The following MPG variants were observed in gnomAD, a reference collection of about 807,000 sequenced individuals.
MPG encodes the protein N-methylpurine DNA glycosylase, also known as DNA-3-methyladenine glycosylase.
Under a neutral mutation model 31.7 loss-of-function variants are expected in MPG, and 33 were observed. The ratio of observed to expected loss-of-function variants is 1.04; its 90% CI spans 0.79 to 1.39. MPG has a LOEUF of 1.39. Ranked by LOEUF, MPG falls within the 40% of genes most tolerant of loss-of-function variation. MPG has a pLI of 0.00. For missense variants in MPG, 455 were observed against 415.5 expected, an observed-to-expected ratio of 1.10 and a Z score of -0.83; for synonymous variants, 202 against 169.2, an observed-to-expected ratio of 1.19 and a Z score of -1.51.
At chr16:79,007 C>A (rs1898165961) in intron 1 of MPG, 1 of 1,401,784 alleles carries the variant, frequency 7.1e-7, no homozygotes, top group African/African-American at 1.5e-5. Flanking sequence ...GTTTTGAATT[C>A]TGGCAAGGGT....
In MPG at chr16:80,539, G is replaced by A. The variant is rs149704595; in HGVS notation, c.300+839G>A. Among the ~76,000 whole-genome samples, 109 of 152,280 alleles carry A rather than the reference G, an allele frequency of 7.2e-4. 2 individuals carry two copies. Among genetic ancestry groups the A allele is most frequent in the African/African-American group, 2.6e-3 (106 of 41,556 alleles). On this transcript the variant is annotated intron_variant, in intron 2 of 3. Coordinates refer to ENST00000356432, the MANE Select transcript of MPG (RefSeq NM_001015052.3). ...GTAATGGGCATTTGTGGCCAGGTGT[G>A]GTGGCTCATGCCGGTAATCCCAGCA...
Position 79,456 on chromosome 16 carries a change from G to A in MPG, c.56G>A (p.Arg19Gln), listed in dbSNP as rs542759171. 4.3e-6 allele frequency: 7 copies of A among 1,613,000 alleles called. No homozygotes were observed. Among genetic ancestry groups the A allele is most frequent in the South Asian group, 3.3e-5 (3 of 91,082 alleles). ...CGACGGATGGGGCAAAAGAAGCAGC[G>A]ACCAGCTAGAGCAGGGCAGCCACAC... ...FCRRMGQKKQ[R>Q]PARAGQPHSS... Residue 19 changes from arginine to glutamine, a missense_variant, in exon 2 of 4, where the codon CGA becomes CAA. Coordinates refer to ENST00000356432, the MANE Select transcript of MPG (RefSeq NM_001015052.3).
intron 1 of MPG, chr16:79,089 G>T: frequency 6.9e-7 from 1 of 1,444,440 alleles, no homozygotes. Flanking sequence ...GTGGGAATCG[G>T]AGGGCACCAG....
intron 2 of MPG, among the ~76,000 whole-genome samples, chr16:81,659 C>T (rs1035879851): frequency 1.6e-4 from 22 of 138,468 alleles, no homozygotes; most frequent in Admixed American, 2.7e-4. Flanking sequence ...ACCCTATCTC[C>T]GGGAAGGCCT....
intron 2 of MPG, among the ~76,000 whole-genome samples, chr16:80,582 G>A (rs1409220145): frequency 6.6e-6 from 1 of 152,134 alleles, no homozygotes; most frequent in African/African-American, 2.4e-5. Context: ...AGGCGGAGGT[G>A]GGTGGATCAC....
At chr16:81,489 A>C (rs933185896) in intron 2 of MPG, among the ~76,000 whole-genome samples, 2 of 152,126 alleles carry the variant, frequency 1.3e-5, no homozygotes, top group African/African-American at 4.8e-5. Flanking sequence ...TCTCCCCTGG[A>C]CATGGCCTGG....
Position 79,430 on chromosome 16 carries a change from C to T in MPG, c.30C>T (p.Cys10=), listed in dbSNP as rs1277450339. Residue 10 remains cysteine (C), a synonymous_variant, in exon 2 of 4, where the codon TGC becomes TGT. Transcript: ENST00000356432. ...TATTTTTTTTCCCATTACAGTTTTG[C>T]CGACGGATGGGGCAAAAGAAGCAGC... The part of the protein sequence containing the change: MPARSGAQF[C]RRMGQKKQRP... 6 of 1,613,216 alleles carry T rather than the reference C, an allele frequency of 3.7e-6. No homozygotes were observed. Among genetic ancestry groups the T allele is most frequent in the Non-Finnish European group, 5.1e-6 (6 of 1,180,006 alleles).
chr16:80,134 G>A (rs1898201090), intron 2 of MPG, among the ~76,000 whole-genome samples: 1 of 152,256 alleles, frequency 6.6e-6, no homozygotes, highest in South Asian at 2.1e-4. Context: ...AAGGATCTGG[G>A]CTCTGCCAAT....
At position 79,415 on chromosome 16, in the gene MPG, C is replaced by A; in HGVS notation, c.25-10C>A. ...ATTCGGATGCTTATTTATTTTTTTT[C>A]CCATTACAGTTTTGCCGACGGATGG... On this transcript the variant is annotated splice_polypyrimidine_tract_variant and intron_variant, in intron 1 of 3. Coordinates refer to ENST00000356432, the MANE Select transcript of MPG (RefSeq NM_001015052.3). 6.2e-7 allele frequency: 1 copy of A among 1,613,454 alleles called. No individual in the cohort carries two copies. Among genetic ancestry groups the A allele is most frequent in the East Asian group, 2.2e-5 (1 of 44,886 alleles).
chr16:83,292 G>C, intron 3 of MPG, 36 bp downstream of exon 3: 1 of 1,581,232 alleles, frequency 6.3e-7, no homozygotes, highest in Non-Finnish European at 8.6e-7. Flanking sequence ...TTGGAGGGCC[G>C]GCAGAGCCCT....
chr16:79,730 C>T lies in MPG; in HGVS notation c.300+30C>T, dbSNP rs762828585. 1.3e-5 allele frequency: 20 copies of T among 1,529,974 alleles called. No individual in the cohort carries two copies. In the South Asian group the frequency reaches 2.3e-4, roughly 18 times the overall value. The allele number at this position is 1,529,974 out of a possible 1,614,324, so 94.8% of individuals were successfully genotyped here. A position where few individuals can be genotyped will look rare whatever the true frequency, so the allele number is the denominator to read the frequency against. ...TGTGAACATAGCAGCGAGGGCCCTC[C>T]TGAAGTGCCTGTCACTGCAGTTGTC... On this transcript the variant is annotated intron_variant, in intron 2 of 3. Coordinates refer to ENST00000356432, the MANE Select transcript of MPG (RefSeq NM_001015052.3).
Position 79,667 on chromosome 16 carries a change from G to A in MPG, c.267G>A (p.Pro89=), listed in dbSNP as rs2308314. The A allele has an allele frequency of 5.0e-5, 79 of 1,568,084 alleles. 1 individual carries two copies. In the African/African-American group the frequency reaches 6.4e-4, roughly 13 times the overall value. The change falls in exon 2 of 4, where the codon CCG becomes CCA. Residue 89 remains proline, a synonymous_variant. Transcript: ENST00000356432. ...TGGGGTTGGAGTTCTTCGACCAGCC[G>A]GCAGTCCCCCTGGCCCGGGCATTTC... ...TRLGLEFFDQ[P]AVPLARAFLG...
rs748772652 is a variant in MPG, at chr16:83,156, C to T, written c.405C>T (p.Gly135=). ...ATGAAGCCGCCCACTCAAGGGGTGG[C>T]CGGCAGACCCCCCGCAACCGAGGCA... ...PEDEAAHSRG[G]RQTPRNRGMF... Residue 135 remains glycine, a synonymous_variant, in exon 3 of 4, where the codon GGC becomes GGT. Coordinates refer to ENST00000356432, the MANE Select transcript of MPG (RefSeq NM_001015052.3). 1.2e-6 allele frequency: 2 copies of T among 1,613,092 alleles called. No homozygotes were observed. Among genetic ancestry groups the T allele is most frequent in the Non-Finnish European group, 1.7e-6 (2 of 1,179,960 alleles).
chr16:80,236 C>T (rs1051317579), intron 2 of MPG, among the ~76,000 whole-genome samples: 5 of 152,218 alleles, frequency 3.3e-5, no homozygotes, highest in East Asian at 1.9e-4. Flanking sequence ...CTCACACAGC[C>T]GTGGCATCTT....
intron 3 of MPG, 166 bp downstream of exon 3, chr16:83,422 G>A (rs752921313): frequency 7.0e-6 from 5 of 712,948 alleles, no homozygotes; most frequent in Non-Finnish European, 1.2e-5. Context: ...GACGGGGCAG[G>A]GCTGGTTAGG....
At position 83,194 on chromosome 16, in the gene MPG, CG is replaced by C; in HGVS notation, c.447del (p.Thr150ProfsTer14). The stretch of plus-strand genomic sequence containing the variant: ...CGCAACCGAGGCATGTTCATGAAGC[CG>C]GGGACCCTGTACGTGTACATCATTT... Reference protein sequence around the residue: ...TPRNRGMFMKPGTLYVYIIYG... With the variant: ...TPRNRGMFMKXGTLYVYIIYG... On this transcript the variant is annotated frameshift_variant, in exon 3 of 4. Coordinates refer to ENST00000356432, the MANE Select transcript of MPG (RefSeq NM_001015052.3). LOFTEE classifies it high-confidence loss of function. 1 of 1,613,200 alleles carries C rather than the reference CG, an allele frequency of 6.2e-7. No homozygotes were observed. Among genetic ancestry groups the C allele is most frequent in the Non-Finnish European group, 8.5e-7 (1 of 1,179,970 alleles).
upstream of MPG, chr16:77,140 G>A (rs1459116951): frequency 6.6e-6 from 1 of 152,348 alleles, no homozygotes; most frequent in Non-Finnish European, 1.5e-5. Flanking sequence ...TCCTTTCCAG[G>A]ACCAGGGTCA....
chr16:78,326 G>A lies in MPG; in HGVS notation c.17G>A (p.Gly6Glu), dbSNP rs1898147236. ...AGCCGCCGGATGCCCGCGCGCAGCG[G>A]GGCCCAGGTGAGCGCGCGCCTCGGC... MPARS[G>E]AQFCRRMGQK... The change falls in exon 1 of 4, where the codon GGG becomes GAG. Residue 6 changes from glycine (G) to glutamate (E), a missense_variant. Coordinates refer to ENST00000356432, the MANE Select transcript of MPG (RefSeq NM_001015052.3). The A allele has an allele frequency of 4.7e-6, 6 of 1,280,222 alleles. No individual in the cohort carries two copies. The highest frequency in any genetic ancestry group is 5.9e-6 in the Non-Finnish European group (6 of 1,013,250). 79.3% of individuals were successfully genotyped at this position (1,280,222 alleles called of 1,614,324 possible). A position where few individuals can be genotyped will look rare whatever the true frequency, so the allele number is the denominator to read the frequency against.
chr16:80,370 G>A (rs1012213112), intron 2 of MPG, among the ~76,000 whole-genome samples: 2 of 152,226 alleles, frequency 1.3e-5, no homozygotes, highest in African/African-American at 4.8e-5. Flanking sequence ...CTACTTTTAG[G>A]TTATAATCAC....
Sources: gnomAD v4.1 joint callset for allele counts (sites outside exome capture counted in the v4.1 genomes callset) on GRCh38, gnomAD v4.1.1 for gene constraint, MANE v1.5 for transcripts, NCBI Gene and HGNC (gene_info 2026-07-23, HGNC 2026-07-21) for gene names.